GON4L: variants seen among roughly 807,000 people sequenced by gnomAD.
GON4L encodes the protein gon-4 like.
A neutral mutation model predicts 211.8 loss-of-function variants in GON4L; 87 were observed. The ratio of observed to expected loss-of-function variants is 0.41; its 90% confidence interval spans 0.35 to 0.49. The LOEUF (loss-of-function observed/expected upper bound fraction) is 0.49, where lower values mean the gene tolerates loss of function less well. Ranked by LOEUF, GON4L falls within the 20% of genes least tolerant of loss-of-function variation. The pLI is 0.15. For synonymous variants in GON4L, 875 were observed against 962.6 expected (o/e 0.91, Z 1.68); for missense variants, 2,155 against 2,659.5 (o/e 0.81, Z 4.17).
At chr1:155,780,795 G>A (rs185582199) in intron 14 of GON4L, among the ~76,000 whole-genome samples, 110 of 152,126 alleles carry the variant, frequency 7.2e-4, no homozygotes, top group African/African-American at 2.6e-3. Context: ...ATGCAATCAG[G>A]ATAAGACCTG....
At position 155,784,009 on chromosome 1, in the gene GON4L, G is replaced by C. The variant is rs767462337; in HGVS notation, c.1869C>G (p.Asn623Lys). The stretch of plus-strand genomic sequence containing the variant: ...ACCGTAGAGCTTGAGGGGTGTTAAA[G>C]TTAGGACGAGGCTCAGCTACACACT... ...EEECVAEPRPNFNTPQALRFE... is the reference protein window; with the variant it reads ...EEECVAEPRPKFNTPQALRFE... The change falls in exon 14 of 32, where the codon AAC (asparagine) becomes AAG (lysine). Residue 623 changes from asparagine (N) to lysine (K), a missense_variant. Physicochemically the swap from Asn to Lys is moderately conservative, Grantham distance 94. Around this residue, in one of 6 missense-constraint regions of GON4L, gnomAD observed 551 missense variants for 854.0 expected, o/e 0.65. Transcript: ENST00000368331. 7 of 1,613,998 alleles carry C rather than the reference G, an allele frequency of 4.3e-6. No homozygotes were observed. Among genetic ancestry groups the C allele is most frequent in the Non-Finnish European group, 3.4e-6 (4 of 1,179,866 alleles).
At position 155,760,114 on chromosome 1, in the gene GON4L, A is replaced by C. The variant is rs1661634192; in HGVS notation, c.5109+330T>G. ...GCAATTGAGGTCAGGAATTGCTAGGAATTCCTGACAGTTAGGAGGCACCTA... is the reference window on the plus strand; with the variant it reads ...GCAATTGAGGTCAGGAATTGCTAGGCATTCCTGACAGTTAGGAGGCACCTA... On this transcript the variant is annotated intron_variant, in intron 24 of 31. Transcript: ENST00000368331. Among the ~76,000 whole-genome samples the C allele has an allele frequency of 2.0e-5, 3 of 151,660 alleles. No homozygotes were observed. The South Asian group carries it at 6.2e-4, about 31-fold the overall frequency.
In GON4L at chr1:155,766,617, T is replaced by C. The variant is rs1662521859; in HGVS notation, c.2856A>G (p.Ser952=). Residue 952 remains serine (S), a synonymous_variant, in exon 21 of 32, where the codon TCA becomes TCG. Transcript: ENST00000368331. ...AATTGTCTTTTTCTAGGCTTCGATC[T>C]GAGTTGATCTCAGTGGTTCCAGTCA... ...GNMTGTTEIN[S]DRSLEKDNLE... is the part of the protein sequence containing the mutation. 1 of 1,614,224 alleles carries C rather than the reference T, an allele frequency of 6.2e-7. No individual in the cohort carries two copies. Among genetic ancestry groups the C allele is most frequent in the Non-Finnish European group, 8.5e-7 (1 of 1,180,040 alleles).
At position 155,759,982 on chromosome 1, in the gene GON4L, TGA is replaced by T. The variant is rs1491498752; in HGVS notation, c.5109+460_5109+461del. On this transcript the variant is annotated intron_variant, in intron 24 of 31. Coordinates refer to ENST00000368331, the MANE Select transcript of GON4L (RefSeq NM_001282860.2). Reference sequence around the variant, plus strand: ...TTTATATATTATATATATATATATATGATATATATATATATATGTTTTCTGGA... The same window carrying T: ...TTTATATATTATATATATATATATATTATATATATATATATGTTTTCTGGA... 1.3e-3 allele frequency among the ~76,000 whole-genome samples: 192 copies of T among 143,314 alleles called. 1 individual carries two copies. Among genetic ancestry groups the T allele is most frequent in the African/African-American group, 4.1e-3 (156 of 38,160 alleles). The allele number at this position is 143,314 out of a possible 152,430, so 94.0% of individuals were successfully genotyped here.
At chr1:155,747,055 A>G, downstream of GON4L, 2 of 1,606,518 alleles carry the variant, frequency 1.2e-6, no homozygotes, top group Non-Finnish European at 1.7e-6. Context: ...TGGCCAGCCA[A>G]CTCAAGGAGG....
chr1:155,790,506 T>C (rs1008828805), intron 12 of GON4L, among the ~76,000 whole-genome samples: 1 of 152,170 alleles, frequency 6.6e-6, no homozygotes, highest in Non-Finnish European at 1.5e-5. Context: ...CCTCCCAAAG[T>C]GCTGGGATTA....
intron 2 of GON4L, among the ~76,000 whole-genome samples, chr1:155,852,912 A>C (rs1419448476): frequency 6.6e-6 from 1 of 152,210 alleles, no homozygotes; most frequent in African/African-American, 2.4e-5. Context: ...CAGGAGTTCG[A>C]GACCAGCTTG....
chr1:155,777,498 G>A (rs911266679), intron 15 of GON4L, 124 bp downstream of exon 15: 27 of 787,410 alleles, frequency 3.4e-5, no homozygotes, highest in Non-Finnish European at 5.4e-5. Context: ...AGAAATGCTT[G>A]AGCCCAGAAA....
chr1:155,748,989 G>A (rs1166938001), downstream of GON4L, among the ~76,000 whole-genome samples: 1 of 152,096 alleles, frequency 6.6e-6, no homozygotes, highest in Non-Finnish European at 1.5e-5. Flanking sequence ...CATGGTGGCT[G>A]ACGCCTGTAA....
At chr1:155,798,959 T>C (rs1666366013) in intron 11 of GON4L, among the ~76,000 whole-genome samples, 2 of 152,154 alleles carry the variant, frequency 1.3e-5, no homozygotes, top group South Asian at 4.1e-4. Flanking sequence ...GTACCCTGAT[T>C]GTGGAATATG....
rs1022533619 is a variant in GON4L, at chr1:155,784,052, T to C, written c.1826A>G (p.Asp609Gly). Residue 609 changes from aspartate (D) to glycine (G), a missense_variant, in exon 14 of 32, where the codon GAT (aspartate) becomes GGT (glycine). By Grantham distance (94) the Asp-to-Gly change is moderately conservative. This residue lies in a region of GON4L where 551 missense variants were observed against 854.0 expected (regional missense o/e 0.65). Transcript: ENST00000368331. ...DEMGFSNMED[D>G]GPEEEECVAE... ...TACACACTCCTCCTCTTCTGGGCCATCATCTTCCATGTTGGAGAATCCCAT... is the reference window on the plus strand; with the variant it reads ...TACACACTCCTCCTCTTCTGGGCCACCATCTTCCATGTTGGAGAATCCCAT... 1.9e-6 allele frequency: 3 copies of C among 1,613,998 alleles called. No individual in the cohort carries two copies. The highest frequency in any genetic ancestry group is 1.3e-5 in the African/African-American group (1 of 74,934).
At chr1:155,846,661 T>C (rs1571931409) in intron 2 of GON4L, 1 of 152,194 alleles carries the variant, frequency 6.6e-6, no homozygotes, top group East Asian at 1.9e-4. Context: ...ACTAAAATCT[T>C]ATAAACTAAA....
At chr1:155,823,239 T>C (rs1267956634) in intron 3 of GON4L, among the ~76,000 whole-genome samples, 2 of 152,194 alleles carry the variant, frequency 1.3e-5, no homozygotes, top group Non-Finnish European at 2.9e-5. Context: ...CAACTGTACA[T>C]ATTTTTCAAA....
At chr1:155,773,529 C>A in intron 17 of GON4L, 1 of 296,482 alleles carries the variant, frequency 3.4e-6, no homozygotes, top group South Asian at 4.0e-5. Context: ...AATGTTTTAC[C>A]TCCTTCCCCC....
intron 8 of GON4L, among the ~76,000 whole-genome samples, chr1:155,815,502 G>C (rs1191151604): frequency 6.6e-6 from 1 of 152,038 alleles, no homozygotes; most frequent in Admixed American, 6.6e-5. Context: ...TTGTGACTGG[G>C]GAGGGTATAC....
intron 12 of GON4L, among the ~76,000 whole-genome samples, 169 bp downstream of exon 12, chr1:155,794,881 C>T (rs1557870135): frequency 1.3e-5 from 2 of 152,140 alleles, no homozygotes; most frequent in Non-Finnish European, 2.9e-5. Context: ...AACTGATGGG[C>T]TTTCTGAATA....
At chr1:155,755,057 C>T (rs967284548) in intron 27 of GON4L, among the ~76,000 whole-genome samples, 4 of 150,800 alleles carry the variant, frequency 2.7e-5, no homozygotes, top group South Asian at 2.1e-4. Flanking sequence ...CGCACCACCA[C>T]GCCTAGCTAA....
intron 2 of GON4L, among the ~76,000 whole-genome samples, chr1:155,844,031 G>A (rs1671010798): frequency 1.3e-5 from 2 of 152,144 alleles, no homozygotes; most frequent in Admixed American, 1.3e-4. Flanking sequence ...TATCCCTTCA[G>A]GGGGTATCCA....
chr1:155,850,562 AAGAT>A (rs1671678544), intron 2 of GON4L, among the ~76,000 whole-genome samples: 1 of 152,206 alleles, frequency 6.6e-6, no homozygotes, highest in South Asian at 2.1e-4. Context: ...GTATACCATC[AAGAT>A]TATTGCTAAA....
Sources: gnomAD v4.1 joint callset for allele counts (sites outside exome capture counted in the v4.1 genomes callset) on GRCh38, gnomAD v4.1.1 for gene constraint, gnomAD v4.1.1 regional missense constraint, MANE v1.5 for transcripts, NCBI Gene and HGNC (gene_info 2026-07-23, HGNC 2026-07-21) for gene names.